The following CYP3A5 variants were observed in gnomAD, a reference collection of about 807,000 sequenced individuals.
The protein encoded by CYP3A5 is cytochrome P450 3A5.
CYP3A5 carries 51 observed loss-of-function variants against 55.9 expected under a neutral mutation model. The observed-to-expected ratio is 0.91, with a 90% CI of 0.73 to 1.15. CYP3A5 has a LOEUF of 1.15. CYP3A5 is among the 50% of genes most tolerant of loss of function. CYP3A5 has a pLI of 0.00. For missense variants in CYP3A5, 533 were observed against 596.6 expected, an observed-to-expected ratio of 0.89 and a Z score of 1.11; for synonymous variants, 196 against 213.9, an observed-to-expected ratio of 0.92 and a Z score of 0.73.
At chr7:99,649,263 A>G (rs1380579118) in intron 12 of CYP3A5, among the ~76,000 whole-genome samples, 1 of 152,214 alleles carries the variant, frequency 6.6e-6, no homozygotes. Flanking sequence ...AGCCATAGAT[A>G]AGATGGCAAC....
At chr7:99,672,304 C>T (rs1811743879) in intron 4 of CYP3A5, among the ~76,000 whole-genome samples, 1 of 152,224 alleles carries the variant, frequency 6.6e-6, no homozygotes, top group African/African-American at 2.4e-5. Context: ...CCTGCCTCGG[C>T]CTCCCAAAGT....
Position 99,653,522 on chromosome 7 carries a change from G to A in CYP3A5, c.1027-743C>T, listed in dbSNP as rs551468702. Among the ~76,000 whole-genome samples the A allele has an allele frequency of 1.4e-4, 22 of 151,960 alleles. No homozygotes were observed. Among genetic ancestry groups the A allele is most frequent in the East Asian group, 5.8e-4 (3 of 5,178 alleles). ...ACTTGTTCCTTTCTATCACAAATAC[G>A]ACAAAATAAATTTATGATTGGATGC... On this transcript the variant is annotated intron_variant, in intron 10 of 12. Coordinates refer to ENST00000222982, the MANE Select transcript of CYP3A5 (RefSeq NM_000777.5). This position sits in a 1 kb window ranked among gnomAD's most constrained non-coding sequence, Gnocchi z 4.2.
chr7:99,665,773 A>G (rs958664560), intron 6 of CYP3A5, among the ~76,000 whole-genome samples: 5 of 152,194 alleles, frequency 3.3e-5, no homozygotes, highest in Admixed American at 1.3e-4. Flanking sequence ...AAACAGTAAC[A>G]CCCTGTTCTG....
intron 1 of CYP3A5, among the ~76,000 whole-genome samples, chr7:99,678,862 T>C (rs1321408935): frequency 6.6e-6 from 1 of 152,212 alleles, no homozygotes; most frequent in Non-Finnish European, 1.5e-5. Context: ...TAGAAGTTAA[T>C]GGGACAGGTG....
intron 10 of CYP3A5, chr7:99,658,977 A>G (rs1810084164): frequency 6.6e-6 from 1 of 152,186 alleles, no homozygotes; most frequent in Non-Finnish European, 1.5e-5. Flanking sequence ...CTAGTTAGCC[A>G]TTTGTCTAAT....
Position 99,672,699 on chromosome 7 carries a change from C to G in CYP3A5, c.219-20G>C, listed in dbSNP as rs901885035. On this transcript the variant is annotated intron_variant, in intron 3 of 12. Coordinates refer to ENST00000222982, the MANE Select transcript of CYP3A5 (RefSeq NM_000777.5). ...TACGTTCTGTGTGGGGACAACGGAGCTGATTAAACTTCACTAGCCCGATTC... is the reference window on the plus strand; with the variant it reads ...TACGTTCTGTGTGGGGACAACGGAGGTGATTAAACTTCACTAGCCCGATTC... 3.1e-6 allele frequency: 5 copies of G among 1,612,906 alleles called. No individual in the cohort carries two copies. Among genetic ancestry groups the G allele is most frequent in the Admixed American group, 1.7e-5 (1 of 59,756 alleles).
intron 8 of CYP3A5, chr7:99,663,612 AC>A (rs1251429942): frequency 2.0e-6 from 2 of 1,000,164 alleles, no homozygotes; most frequent in Non-Finnish European, 2.4e-6. Flanking sequence ...ATGATTCTTT[AC>A]CAATCTGTGA....
At chr7:99,664,732 C>G (rs905581894) in intron 7 of CYP3A5, among the ~76,000 whole-genome samples, 2 of 152,036 alleles carry the variant, frequency 1.3e-5, no homozygotes, top group East Asian at 3.9e-4. Flanking sequence ...AAGAAAATAT[C>G]TCAAATTGAT....
chr7:99,672,601 A>G lies in CYP3A5; in HGVS notation c.297T>C (p.Tyr99=), dbSNP rs773730575. 2 of 1,614,044 alleles carry G rather than the reference A, an allele frequency of 1.2e-6. No homozygotes were observed. Among genetic ancestry groups the G allele is most frequent in the East Asian group, 2.2e-5 (1 of 44,890 alleles). ...TTACCCTTCGATTTGTGAAGACAGA[A>G]TAACATTCTTTCACTAGCACTGTTC... The part of the protein sequence containing the change: ...VIRTVLVKEC[Y]SVFTNRRSLG... The change falls in exon 4 of 13, where the codon TAT becomes TAC. Residue 99 remains tyrosine, a synonymous_variant. Coordinates refer to ENST00000222982, the MANE Select transcript of CYP3A5 (RefSeq NM_000777.5).
intron 12 of CYP3A5, 57 bp downstream of exon 12, chr7:99,650,016 A>C (rs1809012553): frequency 1.3e-6 from 2 of 1,584,164 alleles, no homozygotes; most frequent in African/African-American, 1.4e-5. Context: ...TCTTTTAAAA[A>C]ATATATACCC....
At position 99,671,950 on chromosome 7, in the gene CYP3A5, G is replaced by C. The variant is rs569327945; in HGVS notation, c.318+630C>G. 2.1e-5 allele frequency: 14 copies of C among 678,662 alleles called. No individual in the cohort carries two copies. The Admixed American group carries it at 2.6e-4, about 13-fold the overall frequency. The allele number at this position is 678,662 out of a possible 1,614,324, so 42.0% of individuals were successfully genotyped here. ...ACACAAACAAGGGCATGTAAAACTGGTGAAATCTGAAAAGCTCTGTAAACT... is the reference window on the plus strand; with the variant it reads ...ACACAAACAAGGGCATGTAAAACTGCTGAAATCTGAAAAGCTCTGTAAACT... On this transcript the variant is annotated intron_variant, in intron 4 of 12. Transcript: ENST00000222982.
At position 99,662,783 on chromosome 7, in the gene CYP3A5, C is replaced by T. The variant is rs376884726; in HGVS notation, c.865+33G>A. The T allele has an allele frequency of 2.3e-5, 36 of 1,594,704 alleles. No homozygotes were observed. In the African/African-American group the frequency reaches 2.9e-4, roughly 13 times the overall value. On this transcript the variant is annotated intron_variant, in intron 9 of 12. Coordinates refer to ENST00000222982, the MANE Select transcript of CYP3A5 (RefSeq NM_000777.5). The surrounding 1 kb of genome is among the most constrained non-coding windows in gnomAD (Gnocchi z 4.3). ...ACAAGGCCCTCCCTCTTAGTGTCCCCGCCAGTAGCCCTCAGAAGCACTCCT... is the reference window on the plus strand; with the variant it reads ...ACAAGGCCCTCCCTCTTAGTGTCCCTGCCAGTAGCCCTCAGAAGCACTCCT...
chr7:99,658,296 G>A (rs1482660065), intron 10 of CYP3A5, among the ~76,000 whole-genome samples: 1 of 152,062 alleles, frequency 6.6e-6, no homozygotes, highest in Non-Finnish European at 1.5e-5. Context: ...AAATCTCTCA[G>A]CATTTGCTTG....
chr7:99,666,525 G>T, intron 6 of CYP3A5, 76 bp downstream of exon 6: 1 of 1,452,420 alleles, frequency 6.9e-7, no homozygotes, highest in Non-Finnish European at 9.7e-7. Flanking sequence ...ACCCAACAGT[G>T]CGACTGTCGA....
intron 10 of CYP3A5, chr7:99,660,290 G>T: frequency 1.9e-6 from 2 of 1,039,256 alleles, no homozygotes; most frequent in Non-Finnish European, 2.3e-6. Flanking sequence ...ACCAGGGCCA[G>T]CAATATTGTA....
chr7:99,672,611 T>C lies in CYP3A5; in HGVS notation c.287A>G (p.Lys96Arg). 1 of 1,614,042 alleles carries C rather than the reference T, an allele frequency of 6.2e-7. No homozygotes were observed. Among genetic ancestry groups the C allele is most frequent in the Non-Finnish European group, 8.5e-7 (1 of 1,179,882 alleles). The change falls in exon 4 of 13, where the codon AAA becomes AGA. Residue 96 changes from lysine (K) to arginine (R), a missense_variant. Physicochemically the swap from Lys to Arg is conservative, Grantham distance 26. Coordinates refer to ENST00000222982, the MANE Select transcript of CYP3A5 (RefSeq NM_000777.5). ...ATTTGTGAAGACAGAATAACATTCT[T>C]TCACTAGCACTGTTCTGATCACGTC... ...DPDVIRTVLVKECYSVFTNRR... is the reference protein window; with the variant it reads ...DPDVIRTVLVRECYSVFTNRR...
At chr7:99,656,854 C>G (rs1350352377) in intron 10 of CYP3A5, among the ~76,000 whole-genome samples, 3 of 152,148 alleles carry the variant, frequency 2.0e-5, no homozygotes, top group African/African-American at 4.8e-5. Flanking sequence ...TCTAGATTTT[C>G]TAGTTTATTT....
At chr7:99,676,314 T>A (rs758943361) in intron 1 of CYP3A5, 106 bp from the exon 2 acceptor site, 1 of 1,576,730 alleles carries the variant, frequency 6.3e-7, no homozygotes, top group Non-Finnish European at 8.6e-7. Flanking sequence ...AGGTAATATG[T>A]ACACGATAAA....
chr7:99,678,467 T>G (rs1381969518), intron 1 of CYP3A5, among the ~76,000 whole-genome samples: 1 of 152,242 alleles, frequency 6.6e-6, no homozygotes, highest in Non-Finnish European at 1.5e-5. Context: ...AAAGGAGTTA[T>G]TAAAATAAAT....
Sources: allele counts gnomAD v4.1 joint callset (sites outside exome capture counted in the v4.1 genomes callset), GRCh38; gene constraint gnomAD v4.1.1; non-coding constraint Gnocchi (gnomAD v3.1); transcripts MANE v1.5; gene names NCBI Gene and HGNC (gene_info 2026-07-23, HGNC 2026-07-21).